PODN: variants seen among roughly 807,000 people sequenced by gnomAD.
PODN encodes podocan.
In PODN, 40 loss-of-function variants were observed where a neutral mutation model predicts 52.7. That is an observed-to-expected ratio of 0.76 (90% CI 0.59 to 0.99). The LOEUF is 0.99. Among genes scored for constraint, PODN ranks in the 50% least tolerant of loss-of-function variants. The pLI is 0.00. For synonymous variants in PODN, 396 were observed against 377.9 expected (o/e 1.05, Z -0.56); for missense variants, 720 against 815.1 (o/e 0.88, Z 1.42).
intron 10 of PODN, among the ~76,000 whole-genome samples, chr1:53,083,248 G>T (rs563281899): frequency 6.6e-6 from 1 of 152,268 alleles, no homozygotes; most frequent in South Asian, 2.1e-4. Context: ...TTCAGGAAAC[G>T]CTCATTTTCT....
intron 1 of PODN, among the ~76,000 whole-genome samples, chr1:53,068,815 T>G (rs1436520457): frequency 6.6e-6 from 1 of 151,842 alleles, no homozygotes; most frequent in Non-Finnish European, 1.5e-5. Flanking sequence ...GCTGGGACAA[T>G]GGCATCTTTC....
At chr1:53,081,901 T>C (rs1644300811) in intron 9 of PODN, 80 bp from the exon 10 acceptor site, 4 of 1,521,390 alleles carry the variant, frequency 2.6e-6, no homozygotes, top group African/African-American at 2.8e-5. Context: ...CCCTGTTACC[T>C]TCTGGAGAGG....
chr1:53,082,297 A>C, intron 10 of PODN, 109 bp downstream of exon 10: 1 of 1,355,328 alleles, frequency 7.4e-7, no homozygotes, highest in Non-Finnish European at 9.5e-7. Flanking sequence ...CCTCTGCTTC[A>C]TCCACCCATT....
chr1:53,082,852 C>T (rs1298589795), intron 10 of PODN, among the ~76,000 whole-genome samples: 3 of 152,196 alleles, frequency 2.0e-5, no homozygotes, highest in African/African-American at 7.2e-5. Flanking sequence ...AGACTATGTA[C>T]ATACGTGCAC....
intron 2 of PODN, 40 bp downstream of exon 2, chr1:53,070,207 C>T: frequency 6.3e-7 from 1 of 1,594,642 alleles, no homozygotes; most frequent in Admixed American, 1.7e-5. Context: ...GGGGCTGTCC[C>T]ACACACCCTT....
rs1459082378 is a variant in PODN at position 53,080,856 on chromosome 1, C to A, written c.1641C>A (p.Asn547Lys). 3 of 1,614,104 alleles carry A rather than the reference C, an allele frequency of 1.9e-6. No homozygotes were observed. The highest frequency in any genetic ancestry group is 2.5e-6 in the Non-Finnish European group (3 of 1,180,024). ...CCAATGCCTTCGACTCCACGCCCAA[C>A]CTCAAGGGGATCTTTCTCAGGTAGG... is the stretch of plus-strand genomic sequence containing the variant. ...VPANAFDSTP[N>K]LKGIFLRFNK... Residue 547 changes from asparagine to lysine, a missense_variant, in exon 9 of 11, where the codon AAC (asparagine) becomes AAA (lysine). Transcript: ENST00000312553.
At chr1:53,080,692 G>T in intron 8 of PODN, 36 bp from the exon 9 acceptor site, 1 of 1,605,186 alleles carries the variant, frequency 6.2e-7, no homozygotes, top group Non-Finnish European at 8.5e-7. Flanking sequence ...GCTTTGCACA[G>T]GTGGGAGTCC....
intron 5 of PODN, among the ~76,000 whole-genome samples, chr1:53,076,873 G>T (rs558023628): frequency 6.6e-6 from 1 of 152,232 alleles, no homozygotes; most frequent in Non-Finnish European, 1.5e-5. Flanking sequence ...TGAAGGGGCC[G>T]CGAGTCAGGC....
intron 1 of PODN, chr1:53,063,479 C>T: frequency 1.0e-6 from 1 of 985,586 alleles, no homozygotes. Flanking sequence ...AAACCTTCCA[C>T]ACTGGGAAGG....
chr1:53,072,660 A>T, intron 3 of PODN, among the ~76,000 whole-genome samples: 1 of 152,226 alleles, frequency 6.6e-6, no homozygotes, highest in East Asian at 1.9e-4. Context: ...TGCCTCCTTG[A>T]CATTTTCCCT....
At chr1:53,071,397 C>A in intron 2 of PODN, 138 bp from the exon 3 acceptor site, 1 of 723,976 alleles carries the variant, frequency 1.4e-6, no homozygotes, top group Non-Finnish European at 2.3e-6. Flanking sequence ...CGGGGGTCTG[C>A]TGCCATGGGG....
At position 53,062,217 on chromosome 1, in the gene PODN, T is replaced by C. The variant is rs1643965833; in HGVS notation, c.-147T>C. The C allele has an allele frequency of 2.4e-6, 3 of 1,269,268 alleles. No homozygotes were observed. The highest frequency in any genetic ancestry group is 3.9e-5 in the Admixed American group (1 of 25,386). The allele number at this position is 1,269,268 out of a possible 1,614,324, so 78.6% of individuals were successfully genotyped here. On this transcript the variant is annotated 5_prime_UTR_variant, in exon 1 of 11. Coordinates refer to ENST00000312553, the MANE Select transcript of PODN (RefSeq NM_153703.5). ...GTCGCGGAGAGCGCCCAGCTTGACTTGAATGGAAGGAGCCCGAGCCCGCGG... is the reference window on the plus strand; with the variant it reads ...GTCGCGGAGAGCGCCCAGCTTGACTCGAATGGAAGGAGCCCGAGCCCGCGG...
At chr1:53,077,606 T>A in intron 6 of PODN, 79 bp from the exon 7 acceptor site, 1 of 1,383,072 alleles carries the variant, frequency 7.2e-7, no homozygotes, top group Non-Finnish European at 1.0e-6. Flanking sequence ...CCCAGACTCC[T>A]CTCCACACCT....
Position 53,082,105 on chromosome 1 carries a change from G to A in PODN, c.1786G>A (p.Gly596Arg). 6.2e-7 allele frequency: 1 copy of A among 1,614,050 alleles called. No homozygotes were observed. Among genetic ancestry groups the A allele is most frequent in the Non-Finnish European group, 8.5e-7 (1 of 1,180,002 alleles). The change falls in exon 10 of 11, where the codon GGG becomes AGG. Residue 596 changes from glycine (G) to arginine (R), a missense_variant. Physicochemically the swap from Gly to Arg is moderately radical, Grantham distance 125. Coordinates refer to ENST00000312553, the MANE Select transcript of PODN (RefSeq NM_153703.5). ...CATTTCCAAGGACCGTGGCCGCTTG[G>A]GGAAGGAAAAGGAGGAGGAGGAAGA... ...GDISKDRGRL[G>R]KEKEEEEEEE...
intron 1 of PODN, among the ~76,000 whole-genome samples, chr1:53,065,128 C>T (rs547820318): frequency 6.6e-6 from 1 of 152,262 alleles, no homozygotes; most frequent in East Asian, 1.9e-4. Flanking sequence ...CTTTGGGAGG[C>T]CGAGGCAGAA....
Position 53,078,487 on chromosome 1 carries a change from C to T in PODN, c.977C>T (p.Ala326Val), listed in dbSNP as rs760511438. 28 of 1,613,258 alleles carry T rather than the reference C, an allele frequency of 1.7e-5. No individual in the cohort carries two copies. Among genetic ancestry groups the T allele is most frequent in the African/African-American group, 4.0e-5 (3 of 74,948 alleles). The change falls in exon 8 of 11, where the codon GCG (alanine) becomes GTG (valine). Residue 326 changes from alanine (A) to valine (V), a missense_variant. Coordinates refer to ENST00000312553, the MANE Select transcript of PODN (RefSeq NM_153703.5). The stretch of plus-strand genomic sequence containing the variant: ...AAGAACGCCATCCGGAGCGTGGACG[C>T]GAATGTGCTGACCCCCATCCGCAGC... ...LEKNAIRSVD[A>V]NVLTPIRSLE...
At position 53,073,957 on chromosome 1, in the gene PODN, G is replaced by A. The variant is rs149181746; in HGVS notation, c.407-649G>A. Among the ~76,000 whole-genome samples, 103 of 152,356 alleles carry A rather than the reference G, an allele frequency of 6.8e-4. 2 individuals are homozygous for A. The East Asian group carries it at 0.019, about 28-fold the overall frequency. On this transcript the variant is annotated intron_variant, in intron 3 of 10. Transcript: ENST00000312553. ...AGCCGTCGGCTCAGCCGCCTCTCTC[G>A]TGTTGCTAAAGCCTCTCATTGACCA... is the stretch of plus-strand genomic sequence containing the variant.
At chr1:53,073,697 G>A (rs987703075) in intron 3 of PODN, 3 of 152,128 alleles carry the variant, frequency 2.0e-5, no homozygotes, top group African/African-American at 7.2e-5. Flanking sequence ...TCATAATTTT[G>A]CCACTCGGAA....
rs376483283 is a variant in PODN at position 53,069,897 on chromosome 1, G to A, written c.42G>A (p.Pro14=). ...TGCTGCTGCTCCTGCTGCTGCTGCC[G>A]CCACAGCTGCACCTGGGACCTGTGC... The part of the protein sequence containing the change: ...SRVLLLLLLL[P]PQLHLGPVLA... Residue 14 remains proline (P), a synonymous_variant, in exon 2 of 11, where the codon CCG becomes CCA. Transcript: ENST00000312553. 1.0e-5 allele frequency: 16 copies of A among 1,568,014 alleles called. 1 individual carries two copies. Among genetic ancestry groups the A allele is most frequent in the African/African-American group, 6.8e-5 (5 of 73,740 alleles).
Sources: gnomAD v4.1 joint callset for allele counts (sites outside exome capture counted in the v4.1 genomes callset) on GRCh38, gnomAD v4.1.1 for gene constraint, MANE v1.5 for transcripts, NCBI Gene and HGNC (gene_info 2026-07-23, HGNC 2026-07-21) for gene names.